The following ELP6 variants were observed in gnomAD, a reference collection of about 807,000 sequenced individuals.
ELP6 encodes the protein elongator acetyltransferase complex subunit 6.
In ELP6, 23 loss-of-function variants were observed where a neutral mutation model predicts 28.1. The observed-to-expected ratio is 0.82, with a 90% CI of 0.59 to 1.16. The LOEUF is 1.16. Among genes scored for constraint, ELP6 ranks in the 50% most tolerant of loss-of-function variants. ELP6 has a pLI of 0.00. For missense variants in ELP6, 313 were observed against 334.6 expected (o/e 0.94, Z 0.50); for synonymous variants, 132 against 135.8 (o/e 0.97, Z 0.19).
In ELP6 at chr3:47,513,698, C is replaced by T; in HGVS notation, c.-108G>A. 2 of 1,430,708 alleles carry T rather than the reference C, an allele frequency of 1.4e-6. No homozygotes were observed. Among genetic ancestry groups the T allele is most frequent in the Non-Finnish European group, 1.9e-6 (2 of 1,042,468 alleles). 88.6% of individuals were successfully genotyped at this position (1,430,708 alleles called of 1,614,324 possible). A position where few individuals can be genotyped will look rare whatever the true frequency, so the allele number is the denominator to read the frequency against. On this transcript the variant is annotated 5_prime_UTR_variant, in exon 1 of 7. Transcript: ENST00000296149. ...ACAGCCCGGCTCGCGCAAGGAAGCG[C>T]GCATGCGCAATGCCACTTTTGCGAG...
chr3:47,513,684 C>CGCGCAAGGAAGCGCGCAT lies in ELP6; in HGVS notation c.-112_-95dup. On this transcript the variant is annotated 5_prime_UTR_variant, in exon 1 of 7. In the 5' UTR this introduces an upstream ATG that the reference lacks. Coordinates refer to ENST00000296149, the MANE Select transcript of ELP6 (RefSeq NM_001031703.3). ...GCAAAACACACCCGACAGCCCGGCTCGCGCAAGGAAGCGCGCATGCGCAAT... is the reference window on the plus strand; with the variant it reads ...GCAAAACACACCCGACAGCCCGGCTCGCGCAAGGAAGCGCGCATGCGCAAGGAAGCGCGCATGCGCAAT... The CGCGCAAGGAAGCGCGCAT allele has an allele frequency of 6.5e-7, 1 of 1,530,888 alleles. No individual in the cohort carries two copies. The highest frequency in any genetic ancestry group is 1.9e-5 in the Admixed American group (1 of 52,364). 94.8% of individuals were successfully genotyped at this position (1,530,888 alleles called of 1,614,324 possible).
rs965493084 is a variant in ELP6 at position 47,502,587 on chromosome 3, C to A, written c.324-736G>T. On this transcript the variant is annotated intron_variant, in intron 4 of 6. Transcript: ENST00000296149. Reference sequence around the variant, plus strand: ...CAGTAGCTCACACCTGTAATCCCAGCACTTTGGGGGGCCAGCGGGGGAGGA... The same window carrying A: ...CAGTAGCTCACACCTGTAATCCCAGAACTTTGGGGGGCCAGCGGGGGAGGA... 4 of 979,482 alleles carry A rather than the reference C, an allele frequency of 4.1e-6. No homozygotes were observed. In the African/African-American group the frequency reaches 7.0e-5, roughly 17 times the overall value. The allele number at this position is 979,482 out of a possible 1,614,324, so 60.7% of individuals were successfully genotyped here.
At chr3:47,497,994 T>C in intron 6 of ELP6, 1 of 985,382 alleles carries the variant, frequency 1.0e-6, no homozygotes, top group South Asian at 4.7e-5. Context: ...GGAGGAATTT[T>C]GCTGTTATTT....
At chr3:47,512,544 C>T in intron 1 of ELP6, 4 of 941,240 alleles carry the variant, frequency 4.2e-6, no homozygotes, top group Non-Finnish European at 5.1e-6. Flanking sequence ...GAGCGAGACT[C>T]CATCAAAAAT....
intron 6 of ELP6, chr3:47,497,155 G>A (rs941561927): frequency 1.0e-6 from 1 of 984,934 alleles, no homozygotes; most frequent in Admixed American, 6.2e-5. Flanking sequence ...GCTTGGGAGT[G>A]GTTCCAGAAG....
intron 1 of ELP6, chr3:47,511,714 A>T: frequency 1.3e-6 from 1 of 749,588 alleles, no homozygotes; most frequent in Non-Finnish European, 1.6e-6. Context: ...GCTGATACAG[A>T]TGTCTGATAA....
intron 5 of ELP6, chr3:47,500,246 G>A (rs1409525320): frequency 1.9e-6 from 2 of 1,057,042 alleles, no homozygotes; most frequent in Admixed American, 5.4e-5. Flanking sequence ...CGAACAGTGT[G>A]GATGGCAGGT....
chr3:47,501,607 T>C (rs761913463), intron 5 of ELP6, 43 bp downstream of exon 5: 5 of 1,590,518 alleles, frequency 3.1e-6, no homozygotes, highest in Non-Finnish European at 4.3e-6. Context: ...TCTGAGTTCT[T>C]GGAGGTCACA....
chr3:47,500,896 C>T (rs1018674582), intron 5 of ELP6, among the ~76,000 whole-genome samples: 2 of 152,214 alleles, frequency 1.3e-5, no homozygotes, highest in African/African-American at 4.8e-5. Flanking sequence ...CACCATACCA[C>T]TGTCCACACG....
chr3:47,513,472 T>C, intron 1 of ELP6, 65 bp downstream of exon 1: 1 of 1,580,526 alleles, frequency 6.3e-7, no homozygotes, highest in Non-Finnish European at 8.6e-7. Context: ...GCGCACCGCC[T>C]CCCGGATGCA....
intron 3 of ELP6, 24 bp from the exon 4 acceptor site, chr3:47,504,472 T>C: frequency 6.3e-7 from 1 of 1,578,820 alleles, no homozygotes; most frequent in Non-Finnish European, 8.6e-7. Context: ...AGAGAGTGAG[T>C]TACTATGCCT....
At chr3:47,508,779 TTTTGAGATGG>T (rs1396465175) in intron 3 of ELP6, among the ~76,000 whole-genome samples, 1 of 149,608 alleles carries the variant, frequency 6.7e-6, no homozygotes, top group Non-Finnish European at 1.5e-5. Flanking sequence ...TTTTTTTTTT[TTTTGAGATGG>T]AGTCTTGCTC....
intron 4 of ELP6, chr3:47,503,471 C>T (rs1485116355): frequency 2.3e-6 from 3 of 1,282,490 alleles, no homozygotes; most frequent in Non-Finnish European, 3.1e-6. Context: ...ATATTTTAGG[C>T]TTGCAGGTCA....
chr3:47,505,208 T>C (rs1054880808), intron 3 of ELP6, among the ~76,000 whole-genome samples: 9 of 150,110 alleles, frequency 6.0e-5, no homozygotes, highest in East Asian at 2.0e-4. Flanking sequence ...GGAGGTTGCA[T>C]TGAGCCGAGA....
intron 1 of ELP6, chr3:47,512,663 C>A: frequency 1.0e-6 from 1 of 985,446 alleles, no homozygotes; most frequent in Non-Finnish European, 1.2e-6. Flanking sequence ...GTGGAGAGAA[C>A]AGGCCAGCCT....
intron 1 of ELP6, chr3:47,512,746 C>T: frequency 1.0e-6 from 1 of 965,954 alleles, no homozygotes; most frequent in Non-Finnish European, 1.2e-6. Flanking sequence ...TTAGAGATCA[C>T]AAGGAGGAAG....
rs1708496514 is a variant in ELP6 at position 47,496,956 on chromosome 3, A to G, written c.673-759T>C. 8 of 985,252 alleles carry G rather than the reference A, an allele frequency of 8.1e-6. No individual in the cohort carries two copies. The South Asian group carries it at 3.8e-4, about 46-fold the overall frequency. 61.0% of individuals were successfully genotyped at this position (985,252 alleles called of 1,614,324 possible). On this transcript the variant is annotated intron_variant, in intron 6 of 6. Transcript: ENST00000296149. Reference sequence around the variant, plus strand: ...ATGCTCTGGGGGTCTGGCTGAAGAGAGGCCACAGCTGCCCAGCAGCACCTT... The same window carrying G: ...ATGCTCTGGGGGTCTGGCTGAAGAGGGGCCACAGCTGCCCAGCAGCACCTT...
At chr3:47,498,750 C>T in intron 5 of ELP6, 4 of 980,882 alleles carry the variant, frequency 4.1e-6, no homozygotes, top group Non-Finnish European at 3.6e-6. Context: ...GCCAGGCAAC[C>T]ATTCATTCAG....
chr3:47,498,719 T>A (rs191319934), intron 5 of ELP6: 1 of 985,424 alleles, frequency 1.0e-6, no homozygotes, highest in East Asian at 1.1e-4. Flanking sequence ...TCCTGAATGT[T>A]ACTAAAAGTG....
Sources: gnomAD v4.1 joint callset for allele counts (sites outside exome capture counted in the v4.1 genomes callset) on GRCh38, gnomAD v4.1.1 for gene constraint, MANE v1.5 for transcripts, NCBI Gene and HGNC (gene_info 2026-07-23, HGNC 2026-07-21) for gene names.